The following SLC25A21 variants were observed in gnomAD, a reference collection of about 807,000 sequenced individuals.
The protein encoded by SLC25A21 is solute carrier family 25 member 21.
SLC25A21 carries 47 observed loss-of-function variants against 43.8 expected under a neutral mutation model. The observed-to-expected ratio is 1.07, with a 90% CI of 0.85 to 1.37. SLC25A21 has a LOEUF of 1.37. Among genes scored for constraint, SLC25A21 ranks in the 40% most tolerant of loss-of-function variants. The probability of loss-of-function intolerance (pLI) is 0.00; values close to 1 mark genes in which losing one functional copy is unlikely to be tolerated. For missense variants in SLC25A21, 352 were observed against 350.2 expected (o/e 1.00, Z -0.04); for synonymous variants, 131 against 121.3 (o/e 1.08, Z -0.52).
At chr14:36,851,966 T>A (rs1189512091) in intron 2 of SLC25A21, among the ~76,000 whole-genome samples, 2 of 152,180 alleles carry the variant, frequency 1.3e-5, no homozygotes, top group African/African-American at 4.8e-5. Context: ...TGGAAGGGTA[T>A]CAATCATATT....
intron 2 of SLC25A21, among the ~76,000 whole-genome samples, chr14:36,831,528 TG>T (rs1459663740): frequency 1.1e-4 from 16 of 152,324 alleles, no homozygotes; most frequent in Middle Eastern, 3.4e-3. Context: ...TCAGGGTATA[TG>T]GGGAGACTTC....
chr14:36,694,526 A>T (rs936554033), intron 7 of SLC25A21, among the ~76,000 whole-genome samples: 1 of 152,234 alleles, frequency 6.6e-6, no homozygotes, highest in African/African-American at 2.4e-5. Context: ...CACTCCCACC[A>T]ACAGTGTAAA....
chr14:37,073,985 G>T (rs2138829089), intron 1 of SLC25A21, among the ~76,000 whole-genome samples: 1 of 150,076 alleles, frequency 6.7e-6, no homozygotes, highest in African/African-American at 2.5e-5. Context: ...CAAAGCTCTA[G>T]AAAGAGGTCC....
intron 3 of SLC25A21, among the ~76,000 whole-genome samples, chr14:36,812,303 A>T (rs1888298097): frequency 6.6e-6 from 1 of 152,094 alleles, no homozygotes. Flanking sequence ...AAGAAATAAG[A>T]ACTTTCAAAT....
chr14:36,993,561 T>C (rs761690625), intron 1 of SLC25A21, among the ~76,000 whole-genome samples: 8 of 152,128 alleles, frequency 5.3e-5, no homozygotes, highest in Non-Finnish European at 1.2e-4. Context: ...CTAGAATTAA[T>C]TTTAGAGTTA....
At chr14:36,739,502 G>T (rs908815560) in intron 3 of SLC25A21, among the ~76,000 whole-genome samples, 2 of 151,866 alleles carry the variant, frequency 1.3e-5, no homozygotes, top group Non-Finnish European at 2.9e-5. Flanking sequence ...ACATGGTGAA[G>T]CCCCTTCTCT....
chr14:36,897,601 G>A (rs1043575101), intron 1 of SLC25A21, among the ~76,000 whole-genome samples: 1 of 152,166 alleles, frequency 6.6e-6, no homozygotes, highest in African/African-American at 2.4e-5. Context: ...CTTTGGAGGA[G>A]GAGAGGTGCT....
intron 1 of SLC25A21, among the ~76,000 whole-genome samples, chr14:36,989,585 AT>A (rs1960219540): frequency 6.6e-6 from 1 of 152,022 alleles, no homozygotes; most frequent in Non-Finnish European, 1.5e-5. Context: ...AGTCTTAACT[AT>A]AACACTATTT....
At chr14:37,032,184 G>C (rs565814157) in intron 1 of SLC25A21, among the ~76,000 whole-genome samples, 1 of 152,208 alleles carries the variant, frequency 6.6e-6, no homozygotes, top group African/African-American at 2.4e-5. Flanking sequence ...ATTTTTATGC[G>C]ATAAGATATT....
At position 36,893,103 on chromosome 14, in the gene SLC25A21, A is replaced by G. The variant is rs560267604; in HGVS notation, c.71-18099T>C. Among the ~76,000 whole-genome samples, 11 of 152,338 alleles carry G rather than the reference A, an allele frequency of 7.2e-5. No individual in the cohort carries two copies. The South Asian group carries it at 1.2e-3, about 17-fold the overall frequency. Reference sequence around the variant, plus strand: ...TGGGTCAAATGGTATTTCTAGTTCCAGATCCCTGAGGAATCGCCACACTGA... The same window carrying G: ...TGGGTCAAATGGTATTTCTAGTTCCGGATCCCTGAGGAATCGCCACACTGA... On this transcript the variant is annotated intron_variant, in intron 1 of 9. Coordinates refer to ENST00000331299, the MANE Select transcript of SLC25A21 (RefSeq NM_030631.4).
chr14:37,064,578 T>C (rs1201074778), intron 1 of SLC25A21, among the ~76,000 whole-genome samples: 1 of 152,060 alleles, frequency 6.6e-6, no homozygotes, highest in Non-Finnish European at 1.5e-5. Context: ...AATTGTGAAT[T>C]CACAACAGTC....
intron 2 of SLC25A21, among the ~76,000 whole-genome samples, chr14:36,850,210 C>T (rs1889680844): frequency 6.6e-6 from 1 of 152,188 alleles, no homozygotes; most frequent in Admixed American, 6.5e-5. Context: ...TTCATACATG[C>T]TTCCAATCAT....
intron 1 of SLC25A21, among the ~76,000 whole-genome samples, chr14:37,138,561 C>T (rs180899923): frequency 6.6e-6 from 1 of 152,132 alleles, no homozygotes. Context: ...TATAGCTCTG[C>T]CTTAAATTCA....
At chr14:36,879,071 T>C (rs1459334302) in intron 1 of SLC25A21, among the ~76,000 whole-genome samples, 1 of 152,232 alleles carries the variant, frequency 6.6e-6, no homozygotes, top group African/African-American at 2.4e-5. Flanking sequence ...CATTTAAATT[T>C]GGTGTTTGAT....
chr14:37,100,351 C>A (rs1307544636), intron 1 of SLC25A21, among the ~76,000 whole-genome samples: 2 of 152,178 alleles, frequency 1.3e-5, no homozygotes, highest in African/African-American at 4.8e-5. Context: ...AGCCACCATG[C>A]CTGGCTGCCA....
chr14:36,958,662 TACACATAAGCACACGTGCACACACAC>T (rs1235023380), intron 1 of SLC25A21, among the ~76,000 whole-genome samples: 5 of 147,496 alleles, frequency 3.4e-5, no homozygotes, highest in African/African-American at 1.3e-4. Context: ...TGTAGAGATG[TACACATAAGCACACGTGCACACACAC>T]ACACACACAC....
chr14:37,033,724 G>C (rs1421855436), intron 1 of SLC25A21, among the ~76,000 whole-genome samples: 1 of 152,156 alleles, frequency 6.6e-6, no homozygotes, highest in Non-Finnish European at 1.5e-5. Context: ...CCCTCAGTCT[G>C]TGGATATGGC....
intron 1 of SLC25A21, among the ~76,000 whole-genome samples, chr14:36,903,336 T>C (rs776513715): frequency 3.9e-5 from 6 of 152,130 alleles, no homozygotes; most frequent in Non-Finnish European, 8.8e-5. Flanking sequence ...TTTTGTTCAG[T>C]TCACATAGTG....
At chr14:37,068,436 T>C (rs1178058696) in intron 1 of SLC25A21, among the ~76,000 whole-genome samples, 1 of 152,224 alleles carries the variant, frequency 6.6e-6, no homozygotes, top group African/African-American at 2.4e-5. Context: ...TGATTTTTTT[T>C]GCAGTAGATT....
Sources: allele counts gnomAD v4.1 joint callset (sites outside exome capture counted in the v4.1 genomes callset), GRCh38; gene constraint gnomAD v4.1.1; transcripts MANE v1.5; gene names NCBI Gene and HGNC (gene_info 2026-07-23, HGNC 2026-07-21).